PLCL1: variants seen among roughly 807,000 people sequenced by gnomAD.
PLCL1 encodes the protein phospholipase C like 1 (inactive), also known as inactive phospholipase C-like protein 1.
In PLCL1, 41 loss-of-function variants were observed where a neutral mutation model predicts 84.4. The ratio of observed to expected loss-of-function variants is 0.49; its 90% CI spans 0.38 to 0.63. PLCL1 has a LOEUF of 0.63. PLCL1 is among the 30% of genes least tolerant of loss of function. PLCL1 has a pLI of 0.00. For synonymous variants in PLCL1, 490 were observed against 488.3 expected, an observed-to-expected ratio of 1.00 and a Z score of -0.05; for missense variants, 1,206 against 1,367.8, an observed-to-expected ratio of 0.88 and a Z score of 1.87.
intron 1 of PLCL1, among the ~76,000 whole-genome samples, chr2:197,909,101 T>C (rs899604174): frequency 5.9e-5 from 9 of 152,208 alleles, no homozygotes; most frequent in Non-Finnish European, 1.0e-4. Context: ...CCAGAAGGTA[T>C]GCACACATTT....
chr2:198,028,289 A>C (rs1300897707), intron 1 of PLCL1, among the ~76,000 whole-genome samples: 2 of 151,600 alleles, frequency 1.3e-5, no homozygotes, highest in African/African-American at 4.9e-5. Flanking sequence ...TAATGCAAAA[A>C]ATTTCCTAGT....
At chr2:197,925,716 T>G (rs891288041) in intron 1 of PLCL1, among the ~76,000 whole-genome samples, 1 of 152,110 alleles carries the variant, frequency 6.6e-6, no homozygotes, top group African/African-American at 2.4e-5. Context: ...ACAACTTTTC[T>G]CCATGCACTC....
intron 1 of PLCL1, among the ~76,000 whole-genome samples, chr2:197,848,004 A>G (rs1050293787): frequency 2.6e-5 from 4 of 152,230 alleles, no homozygotes; most frequent in Non-Finnish European, 5.9e-5. Context: ...CTAAAAAAAT[A>G]AAACTATAAT....
intron 5 of PLCL1, among the ~76,000 whole-genome samples, chr2:198,137,305 A>G (rs904638082): frequency 2.6e-5 from 4 of 152,196 alleles, no homozygotes; most frequent in African/African-American, 7.2e-5. Flanking sequence ...AGGTTATAAA[A>G]GGAGTCCTTC....
At chr2:198,028,638 A>AT (rs2105846701) in intron 1 of PLCL1, among the ~76,000 whole-genome samples, 1 of 152,286 alleles carries the variant, frequency 6.6e-6, no homozygotes, top group South Asian at 2.1e-4. Flanking sequence ...TCACGGTCAT[A>AT]TTTTTTGTAC....
intron 1 of PLCL1, among the ~76,000 whole-genome samples, chr2:197,824,912 C>A (rs1374009953): frequency 6.6e-6 from 1 of 151,946 alleles, no homozygotes; most frequent in African/African-American, 2.4e-5. Flanking sequence ...AAAATAAAAC[C>A]TTAAAATTAA....
intron 1 of PLCL1, among the ~76,000 whole-genome samples, chr2:197,869,220 G>A (rs541353514): frequency 1.2e-4 from 18 of 152,186 alleles, no homozygotes; most frequent in African/African-American, 3.9e-4. Context: ...AGGACTGTCC[G>A]ATTTAAAGGC....
At chr2:198,016,458 C>T (rs56239252) in intron 1 of PLCL1, among the ~76,000 whole-genome samples, 84 of 152,314 alleles carry the variant, frequency 5.5e-4, no homozygotes, top group Non-Finnish European at 9.8e-4. Context: ...CAGTGCTCTA[C>T]GCAACTGTAA....
At chr2:198,016,930 A>G (rs978107911) in intron 1 of PLCL1, among the ~76,000 whole-genome samples, 9 of 152,084 alleles carry the variant, frequency 5.9e-5, no homozygotes. Flanking sequence ...CTTTCAACAA[A>G]TTTCTCAAAG....
chr2:198,045,103 G>A (rs902760572), intron 1 of PLCL1, among the ~76,000 whole-genome samples: 90 of 152,174 alleles, frequency 5.9e-4, no homozygotes, highest in African/African-American at 2.0e-3. Context: ...GATTTATACC[G>A]TATTCTTTTC....
intron 1 of PLCL1, among the ~76,000 whole-genome samples, chr2:197,839,723 T>G (rs2105667220): frequency 6.6e-6 from 1 of 152,294 alleles, no homozygotes; most frequent in East Asian, 1.9e-4. Context: ...AAGAAACAGG[T>G]TTCATATTTC....
intron 1 of PLCL1, among the ~76,000 whole-genome samples, chr2:197,902,001 G>A (rs1341223124): frequency 6.6e-6 from 1 of 152,110 alleles, no homozygotes; most frequent in African/African-American, 2.4e-5. Flanking sequence ...ATGAAATGCA[G>A]GCTAGAAAAG....
chr2:197,953,726 G>GA (rs1689432236), intron 1 of PLCL1, among the ~76,000 whole-genome samples: 2 of 151,940 alleles, frequency 1.3e-5, no homozygotes, highest in South Asian at 4.1e-4. Flanking sequence ...CATCTGGATT[G>GA]AAAAATATAT....
At chr2:198,069,097 A>G (rs1016023402) in intron 1 of PLCL1, among the ~76,000 whole-genome samples, 1 of 151,946 alleles carries the variant, frequency 6.6e-6, no homozygotes, top group Non-Finnish European at 1.5e-5. Context: ...AGCAAACATA[A>G]CTACTCAAAT....
chr2:198,084,927 TG>T lies in PLCL1; in HGVS notation c.1411del (p.Val471SerfsTer2). 6.2e-7 allele frequency: 1 copy of T among 1,614,014 alleles called. No homozygotes were observed. The highest frequency in any genetic ancestry group is 8.5e-7 in the Non-Finnish European group (1 of 1,179,948). On this transcript the variant is annotated frameshift_variant, in exon 2 of 6. Coordinates refer to ENST00000428675, the MANE Select transcript of PLCL1 (RefSeq NM_006226.4). LOFTEE classifies it high-confidence loss of function. ...TGACAACCCATGTTTCCTTTCGAAG[TG>T]TCATAGAGGTAATAAATAAATTTGC... Reference protein sequence around the residue: ...NMTTHVSFRSVIEVINKFAFV... With the variant: ...NMTTHVSFRSXIEVINKFAFV...
intron 1 of PLCL1, among the ~76,000 whole-genome samples, chr2:198,064,528 C>A (rs1488483220): frequency 1.3e-5 from 2 of 152,082 alleles, no homozygotes; most frequent in Non-Finnish European, 2.9e-5. Flanking sequence ...TTAAAATGTT[C>A]ACTTTATAAT....
At chr2:197,909,425 G>A (rs532767091) in intron 1 of PLCL1, among the ~76,000 whole-genome samples, 4 of 151,858 alleles carry the variant, frequency 2.6e-5, no homozygotes, top group South Asian at 2.1e-4. Context: ...GACTGGCTGC[G>A]TGTTCTGAGA....
At chr2:198,131,697 A>G (rs1042410509) in intron 5 of PLCL1, among the ~76,000 whole-genome samples, 6 of 152,192 alleles carry the variant, frequency 3.9e-5, no homozygotes, top group African/African-American at 1.4e-4. Context: ...TTTCTCTGCA[A>G]GAAGCTTGAA....
intron 1 of PLCL1, among the ~76,000 whole-genome samples, chr2:197,864,644 C>A (rs1301539378): frequency 6.6e-6 from 1 of 151,906 alleles, no homozygotes; most frequent in Non-Finnish European, 1.5e-5. Context: ...CCATGCCTGG[C>A]TAATTGTTTT....
Sources: gnomAD v4.1 joint callset for allele counts (sites outside exome capture counted in the v4.1 genomes callset) on GRCh38, gnomAD v4.1.1 for gene constraint, MANE v1.5 for transcripts, NCBI Gene and HGNC (gene_info 2026-07-23, HGNC 2026-07-21) for gene names.